Variants in ROCK1 observed in about 807,000 individuals in gnomAD.
The protein encoded by ROCK1 is Rho associated coiled-coil containing protein kinase 1.
ROCK1 carries 36 observed loss-of-function variants against 196.8 expected under a neutral mutation model. The ratio of observed to expected loss-of-function variants is 0.18; its 90% confidence interval spans 0.14 to 0.24. The LOEUF is 0.24. Ranked by LOEUF, ROCK1 falls within the 10% of genes least tolerant of loss-of-function variation. The pLI is 1.00. For synonymous variants in ROCK1, 443 were observed against 515.9 expected (o/e 0.86, Z 1.91); for missense variants, 920 against 1,562.0 (o/e 0.59, Z 6.93).
chr18:21,028,008 G>A (rs1242618755), intron 10 of ROCK1, among the ~76,000 whole-genome samples: 5 of 147,012 alleles, frequency 3.4e-5, no homozygotes, highest in Non-Finnish European at 3.0e-5. Flanking sequence ...TGATCCGCCC[G>A]CCTCGGCCTC....
At chr18:21,029,454 C>G (rs887575728) in intron 9 of ROCK1, among the ~76,000 whole-genome samples, 6 of 152,126 alleles carry the variant, frequency 3.9e-5, no homozygotes, top group African/African-American at 1.4e-4. Context: ...GATCAATACT[C>G]CTTTCTCCCA....
intron 21 of ROCK1, among the ~76,000 whole-genome samples, chr18:20,980,498 T>C (rs2035521190): frequency 6.6e-6 from 1 of 152,072 alleles, no homozygotes; most frequent in Non-Finnish European, 1.5e-5. Context: ...TGAAGGGCCA[T>C]AAGGGAACTT....
chr18:21,001,714 G>A (rs1317230082), intron 16 of ROCK1, among the ~76,000 whole-genome samples: 81 of 151,462 alleles, frequency 5.3e-4, no homozygotes, highest in Non-Finnish European at 4.0e-4. Flanking sequence ...GCAATGAGCC[G>A]AGATCATGCC....
At chr18:21,043,106 T>C (rs760569245) in intron 6 of ROCK1, among the ~76,000 whole-genome samples, 7 of 152,118 alleles carry the variant, frequency 4.6e-5, no homozygotes, top group Non-Finnish European at 8.8e-5. Flanking sequence ...CACAGGCCAG[T>C]GCAAATACAC....
At chr18:21,072,166 G>A (rs191281321) in intron 1 of ROCK1, among the ~76,000 whole-genome samples, 38 of 152,256 alleles carry the variant, frequency 2.5e-4, no homozygotes, top group Non-Finnish European at 4.0e-4. Flanking sequence ...TGAGTTTTGC[G>A]TGACCAAGTA....
chr18:20,966,761 T>A (rs1657075683), intron 27 of ROCK1, among the ~76,000 whole-genome samples, 156 bp downstream of exon 27: 1 of 151,940 alleles, frequency 6.6e-6, no homozygotes, highest in Non-Finnish European at 1.5e-5. Flanking sequence ...ATACACCAAG[T>A]GTATAATCAT....
intron 19 of ROCK1, among the ~76,000 whole-genome samples, chr18:20,986,485 T>TA (rs2035579215): frequency 6.6e-6 from 1 of 152,176 alleles, no homozygotes; most frequent in Non-Finnish European, 1.5e-5. Flanking sequence ...AAAGTACATA[T>TA]AGTAACCACC....
rs371207505 is a variant in ROCK1, at chr18:21,024,026, T to G, written c.1212-346A>C. On this transcript the variant is annotated intron_variant, in intron 10 of 32. Coordinates refer to ENST00000399799, the MANE Select transcript of ROCK1 (RefSeq NM_005406.3). Reference sequence around the variant, plus strand: ...GTCATGAGAGCAGGTTATGACAGGTTTTTCCACCAAACAAATAACTTAAAA... The same window carrying G: ...GTCATGAGAGCAGGTTATGACAGGTGTTTCCACCAAACAAATAACTTAAAA... Among the ~76,000 whole-genome samples, 22 of 152,262 alleles carry G rather than the reference T, an allele frequency of 1.4e-4. 1 individual carries two copies. The South Asian group carries it at 4.6e-3, about 32-fold the overall frequency.
intron 13 of ROCK1, among the ~76,000 whole-genome samples, chr18:21,012,971 T>G (rs1174946015): frequency 1.3e-5 from 2 of 152,214 alleles, no homozygotes; most frequent in Non-Finnish European, 2.9e-5. Flanking sequence ...GTTGGCTCTA[T>G]TTTATATTGT....
chr18:20,983,611 TGACA>T (rs1357158190), intron 20 of ROCK1, among the ~76,000 whole-genome samples: 1 of 152,066 alleles, frequency 6.6e-6, no homozygotes, highest in Admixed American at 6.6e-5. Flanking sequence ...GGCATGTGGC[TGACA>T]GAAAGTCTAC....
chr18:21,014,821 C>T (rs1442287412), intron 13 of ROCK1, among the ~76,000 whole-genome samples: 9 of 152,142 alleles, frequency 5.9e-5, no homozygotes, highest in African/African-American at 1.9e-4. Context: ...TAGGAGAAGA[C>T]TACAGAGAGT....
chr18:21,017,747 C>T (rs1388899077), intron 12 of ROCK1, among the ~76,000 whole-genome samples: 5 of 151,364 alleles, frequency 3.3e-5, no homozygotes, highest in South Asian at 4.2e-4. Context: ...CCGAGGTGGG[C>T]GGATCAAAAG....
chr18:21,100,696 G>C (rs531255144), intron 1 of ROCK1, among the ~76,000 whole-genome samples: 38 of 152,100 alleles, frequency 2.5e-4, no homozygotes, highest in Non-Finnish European at 5.3e-4. Flanking sequence ...TAGCTTTTCA[G>C]GTAATGGGAG....
intron 1 of ROCK1, among the ~76,000 whole-genome samples, chr18:21,072,698 A>T (rs188589466): frequency 1.3e-5 from 2 of 152,204 alleles, no homozygotes; most frequent in Non-Finnish European, 2.9e-5. Context: ...TCCTTCACTT[A>T]ATTTTATGAT....
At chr18:21,091,856 G>A (rs2143586154) in intron 1 of ROCK1, among the ~76,000 whole-genome samples, 1 of 151,754 alleles carries the variant, frequency 6.6e-6, no homozygotes, top group Middle Eastern at 3.4e-3. Flanking sequence ...TATAATCCCA[G>A]CTACTCTGAA....
At chr18:20,959,046 T>A (rs1343062363) in intron 29 of ROCK1, among the ~76,000 whole-genome samples, 1 of 50,536 alleles carries the variant, frequency 2.0e-5, no homozygotes, top group Admixed American at 3.9e-4. Context: ...ATATAATATA[T>A]AATATATATA....
At chr18:21,100,570 AATG>A (rs1260929530) in intron 1 of ROCK1, among the ~76,000 whole-genome samples, 2 of 151,996 alleles carry the variant, frequency 1.3e-5, no homozygotes, top group African/African-American at 4.8e-5. Flanking sequence ...ATGTGTTTAT[AATG>A]ATGCCAAAAA....
chr18:20,967,327 A>G lies in ROCK1; in HGVS notation c.3193-251T>C, dbSNP rs142823375. Among the ~76,000 whole-genome samples the G allele has an allele frequency of 4.2e-4, 64 of 152,288 alleles. No individual in the cohort carries two copies. The Middle Eastern group carries it at 0.01, about 24-fold the overall frequency. On this transcript the variant is annotated intron_variant, in intron 26 of 32. Transcript: ENST00000399799. The stretch of plus-strand genomic sequence containing the variant: ...TTGTTTTCAAACATAAGCCATCAAA[A>G]CAAAAAAGTTACAACAAAAGAAAAT...
intron 3 of ROCK1, among the ~76,000 whole-genome samples, 178 bp from the exon 4 acceptor site, chr18:21,049,407 A>C (rs1244943027): frequency 6.6e-6 from 1 of 152,246 alleles, no homozygotes; most frequent in Non-Finnish European, 1.5e-5. Flanking sequence ...TCAAGACTTT[A>C]ATTATCAGAA....
Sources: allele counts gnomAD v4.1 joint callset (sites outside exome capture counted in the v4.1 genomes callset), GRCh38; gene constraint gnomAD v4.1.1; transcripts MANE v1.5; gene names NCBI Gene and HGNC (gene_info 2026-07-23, HGNC 2026-07-21).